Variants in SRPK2 observed in about 807,000 individuals in gnomAD.
The protein encoded by SRPK2 is SRSF protein kinase 2.
Under a neutral mutation model 90.8 loss-of-function variants are expected in SRPK2, and 21 were observed. The observed-to-expected ratio is 0.23, with a 90% CI of 0.16 to 0.33. SRPK2 has a LOEUF of 0.33. Among genes scored for constraint, SRPK2 ranks in the 10% least tolerant of loss-of-function variants. SRPK2 has a pLI of 1.00. For missense variants in SRPK2, 620 were observed against 869.0 expected, an observed-to-expected ratio of 0.71 and a Z score of 3.60; for synonymous variants, 288 against 311.1, an observed-to-expected ratio of 0.93 and a Z score of 0.78.
chr7:105,178,679 G>A (rs1792327776), intron 3 of SRPK2, among the ~76,000 whole-genome samples: 1 of 151,946 alleles, frequency 6.6e-6, no homozygotes, highest in African/African-American at 2.4e-5. Context: ...AAATTTTGCT[G>A]GGCATGGTGG....
At chr7:105,287,215 C>A (rs1254079445) in intron 2 of SRPK2, among the ~76,000 whole-genome samples, 10 of 131,158 alleles carry the variant, frequency 7.6e-5, no homozygotes, top group Non-Finnish European at 1.2e-4. Context: ...GAGCCGAGAT[C>A]CCACCACTGC....
At chr7:105,312,628 A>G (rs1811846489) in intron 2 of SRPK2, among the ~76,000 whole-genome samples, 1 of 152,178 alleles carries the variant, frequency 6.6e-6, no homozygotes, top group African/African-American at 2.4e-5. Flanking sequence ...ATGTATCAAC[A>G]AATATAATAA....
At chr7:105,228,745 A>G (rs1397982450) in intron 2 of SRPK2, among the ~76,000 whole-genome samples, 1 of 152,198 alleles carries the variant, frequency 6.6e-6, no homozygotes, top group Non-Finnish European at 1.5e-5. Context: ...AGAATACCGT[A>G]ACACTCACTC....
chr7:105,236,890 T>G (rs1011068943), intron 2 of SRPK2, among the ~76,000 whole-genome samples: 20 of 152,124 alleles, frequency 1.3e-4, no homozygotes, highest in African/African-American at 4.6e-4. Context: ...AGAGATAGAA[T>G]CAAAAGACTA....
intron 13 of SRPK2, among the ~76,000 whole-genome samples, chr7:105,131,532 T>C (rs1413363158): frequency 6.6e-6 from 1 of 152,182 alleles, no homozygotes; most frequent in Non-Finnish European, 1.5e-5. Flanking sequence ...AACGAGGGAA[T>C]AGAAAGGCCT....
chr7:105,205,531 A>T lies in SRPK2; in HGVS notation c.72-1746T>A, dbSNP rs1252920251. 5.0e-3 allele frequency among the ~76,000 whole-genome samples: 526 copies of T among 106,036 alleles called. 3 individuals carry two copies. Among genetic ancestry groups the T allele is most frequent in the African/African-American group, 9.4e-3 (217 of 22,986 alleles). 69.6% of individuals were successfully genotyped at this position (106,036 alleles called of 152,430 possible). A position where few individuals can be genotyped will look rare whatever the true frequency, so the allele number is the denominator to read the frequency against. On this transcript the variant is annotated intron_variant, in intron 2 of 15. Transcript: ENST00000393651. Reference sequence around the variant, plus strand: ...CTCTCTCTCTCTCACACACACACACACACACACACACACACACACACACAC... The same window carrying T: ...CTCTCTCTCTCTCACACACACACACTCACACACACACACACACACACACAC...
At chr7:105,199,084 T>C (rs1795249658) in intron 3 of SRPK2, among the ~76,000 whole-genome samples, 1 of 152,178 alleles carries the variant, frequency 6.6e-6, no homozygotes. Flanking sequence ...TTAAAACAGC[T>C]GAGGGTTCAT....
intron 3 of SRPK2, among the ~76,000 whole-genome samples, chr7:105,184,288 T>C (rs1390049033): frequency 3.3e-5 from 5 of 152,160 alleles, no homozygotes; most frequent in Non-Finnish European, 7.3e-5. Flanking sequence ...CTATTACTAA[T>C]ATTTTTCCTT....
At chr7:105,123,608 C>T (rs1343714770) in intron 15 of SRPK2, among the ~76,000 whole-genome samples, 1 of 152,096 alleles carries the variant, frequency 6.6e-6, no homozygotes. Context: ...CCCTATATTA[C>T]TTATGGGAAC....
chr7:105,262,141 T>C (rs1340208099), intron 2 of SRPK2, among the ~76,000 whole-genome samples: 1 of 152,122 alleles, frequency 6.6e-6, no homozygotes, highest in Non-Finnish European at 1.5e-5. Context: ...CAGAGAAGCA[T>C]CAGTAAACAG....
At chr7:105,299,004 A>C (rs542572423) in intron 2 of SRPK2, among the ~76,000 whole-genome samples, 25 of 152,240 alleles carry the variant, frequency 1.6e-4, no homozygotes, top group African/African-American at 5.1e-4. Flanking sequence ...CACCAGCCCC[A>C]GAACACCCTC....
intron 2 of SRPK2, among the ~76,000 whole-genome samples, chr7:105,363,194 A>C (rs901808869): frequency 6.6e-6 from 1 of 151,750 alleles, no homozygotes; most frequent in Admixed American, 6.6e-5. Flanking sequence ...AATAAAAAAT[A>C]AATAAAAATA....
At chr7:105,301,057 C>T (rs1423157404) in intron 2 of SRPK2, among the ~76,000 whole-genome samples, 1 of 152,166 alleles carries the variant, frequency 6.6e-6, no homozygotes, top group Non-Finnish European at 1.5e-5. Context: ...ACTATAAAGA[C>T]ACATGCACAT....
At chr7:105,391,285 A>G (rs1233121859), upstream of SRPK2, among the ~76,000 whole-genome samples, 2 of 151,954 alleles carry the variant, frequency 1.3e-5, no homozygotes, top group Non-Finnish European at 2.9e-5. Context: ...AGCTCTTCGC[A>G]ACCTCTGCCT....
At chr7:105,292,018 C>T (rs1217389207) in intron 2 of SRPK2, among the ~76,000 whole-genome samples, 3 of 152,094 alleles carry the variant, frequency 2.0e-5, no homozygotes, top group African/African-American at 7.2e-5. Context: ...AAAATGATGG[C>T]CTAGTCACCT....
chr7:105,364,762 G>A (rs1818842294), intron 2 of SRPK2, among the ~76,000 whole-genome samples: 1 of 152,036 alleles, frequency 6.6e-6, no homozygotes, highest in Non-Finnish European at 1.5e-5. Context: ...ATTGTGTTTG[G>A]GGGCAAGTAA....
At chr7:105,163,361 G>A (rs1807978561) in intron 6 of SRPK2, among the ~76,000 whole-genome samples, 1 of 152,156 alleles carries the variant, frequency 6.6e-6, no homozygotes, top group South Asian at 2.1e-4. Flanking sequence ...TGAAATCACT[G>A]ATGCTTTATG....
chr7:105,391,801 C>A (rs1822190059), upstream of SRPK2, among the ~76,000 whole-genome samples: 1 of 152,174 alleles, frequency 6.6e-6, no homozygotes, highest in East Asian at 1.9e-4. Context: ...TGGAAACAGT[C>A]TGTTGGCTTC....
intron 15 of SRPK2, among the ~76,000 whole-genome samples, chr7:105,122,741 G>A (rs1184139571): frequency 2.0e-5 from 3 of 152,086 alleles, no homozygotes; most frequent in African/African-American, 7.2e-5. Flanking sequence ...CTGCTGCACA[G>A]AAGCTTCTTG....
Sources: allele counts gnomAD v4.1 joint callset (sites outside exome capture counted in the v4.1 genomes callset), GRCh38; gene constraint gnomAD v4.1.1; transcripts MANE v1.5; gene names NCBI Gene and HGNC (gene_info 2026-07-23, HGNC 2026-07-21).